GLIPR1L2: variants seen among roughly 807,000 people sequenced by gnomAD.
GLIPR1L2 encodes GLIPR1-like protein 2.
A neutral mutation model predicts 28.4 loss-of-function variants in GLIPR1L2; 21 were observed. That is an observed-to-expected ratio of 0.74 (90% confidence interval 0.52 to 1.06). GLIPR1L2 has a LOEUF of 1.06. Among genes scored for constraint, GLIPR1L2 ranks in the 50% least tolerant of loss-of-function variants. The pLI, the probability that GLIPR1L2 is intolerant of heterozygous loss-of-function variation, is 0.00. For synonymous variants in GLIPR1L2, 145 were observed against 139.3 expected (o/e 1.04, Z -0.29); for missense variants, 476 against 416.9 (o/e 1.14, Z -1.23).
chr12:75,413,611 A>G lies in GLIPR1L2; in HGVS notation c.494A>G (p.His165Arg). ...CSNYIQLVWD[H>R]SYKVGCAVTP... ...ATTTTATTTTAGCTTGTTTGGGACC[A>G]CTCTTACAAAGTTGGTTGTGCTGTT... The change falls in exon 3 of 6, where the codon CAC (histidine) becomes CGC (arginine). Residue 165 changes from histidine to arginine, a missense_variant. Physicochemically the swap from His to Arg is conservative, Grantham distance 29. Transcript: ENST00000550916. The G allele has an allele frequency of 6.5e-7, 1 of 1,547,402 alleles. No homozygotes were observed. The highest frequency in any genetic ancestry group is 8.7e-7 in the Non-Finnish European group (1 of 1,152,128).
Position 75,391,141 on chromosome 12 carries a change from C to A in GLIPR1L2, c.25C>A (p.Arg9=), listed in dbSNP as rs762277575. ...CATGGAGGCCGCAAGGCCCTTCGCC[C>A]GGGAGTGGAGGGCCCAGTCCCTACC... MEAARPFA[R]EWRAQSLPLA... The change falls in exon 1 of 6, where the codon CGG becomes AGG. Residue 9 remains arginine, a synonymous_variant. Transcript: ENST00000550916. 3 of 1,613,868 alleles carry A rather than the reference C, an allele frequency of 1.9e-6. No individual in the cohort carries two copies. Among genetic ancestry groups the A allele is most frequent in the Non-Finnish European group, 1.7e-6 (2 of 1,179,916 alleles).
intron 1 of GLIPR1L2, chr12:75,391,630 T>A: frequency 5.7e-6 from 5 of 879,124 alleles, no homozygotes; most frequent in Non-Finnish European, 8.4e-6. Context: ...GAAAATGATA[T>A]TTTAATGCAA....
chr12:75,418,177 C>T (rs2045942187), intron 3 of GLIPR1L2, among the ~76,000 whole-genome samples: 1 of 151,964 alleles, frequency 6.6e-6, no homozygotes, highest in Non-Finnish European at 1.5e-5. Context: ...ATAAGTAGAT[C>T]CAAATCCATA....
chr12:75,429,183 A>G (rs1337760533), intron 4 of GLIPR1L2, among the ~76,000 whole-genome samples: 2 of 152,222 alleles, frequency 1.3e-5, no homozygotes, highest in South Asian at 2.1e-4. Context: ...GAAAGCAGCC[A>G]CAGGGCCTGA....
At position 75,410,480 on chromosome 12, in the gene GLIPR1L2, A is replaced by C; in HGVS notation, c.281A>C (p.Lys94Thr). 1 of 1,609,844 alleles carries C rather than the reference A, an allele frequency of 6.2e-7. No individual in the cohort carries two copies. ...CGGACTGCTAGAGCATGGGGAAAAA[A>C]ATGTTTGTTTACGCATAATATTTAT... is the stretch of plus-strand genomic sequence containing the variant. ...LSRTARAWGK[K>T]CLFTHNIYLQ... The change falls in exon 2 of 6, where the codon AAA (lysine) becomes ACA (threonine). Residue 94 changes from lysine (K) to threonine (T), a missense_variant. By Grantham distance (78) the Lys-to-Thr change is moderately conservative. Transcript: ENST00000550916.
intron 1 of GLIPR1L2, among the ~76,000 whole-genome samples, chr12:75,402,409 A>G (rs1460799739): frequency 2.0e-5 from 3 of 152,224 alleles, no homozygotes; most frequent in African/African-American, 7.2e-5. Flanking sequence ...TTAGAAATCT[A>G]GAATAACAAA....
At chr12:75,430,584 G>T in intron 4 of GLIPR1L2, 131 bp from the exon 5 acceptor site, 1 of 786,704 alleles carries the variant, frequency 1.3e-6, no homozygotes, top group Middle Eastern at 3.6e-4. Context: ...TTGGCCACTG[G>T]TTGGAGGGAG....
chr12:75,419,943 C>G (rs2045960288), intron 3 of GLIPR1L2, among the ~76,000 whole-genome samples: 1 of 152,308 alleles, frequency 6.6e-6, no homozygotes, highest in South Asian at 2.1e-4. Flanking sequence ...GTTTATCTTC[C>G]TTGCTGCTGC....
chr12:75,407,319 A>G (rs2045814235), intron 1 of GLIPR1L2, among the ~76,000 whole-genome samples: 2 of 152,100 alleles, frequency 1.3e-5, no homozygotes, highest in African/African-American at 4.8e-5. Flanking sequence ...CTGCAACTTT[A>G]TATCCTTCAG....
chr12:75,422,333 T>C (rs2045985363), intron 3 of GLIPR1L2, among the ~76,000 whole-genome samples: 1 of 148,390 alleles, frequency 6.7e-6, no homozygotes, highest in African/African-American at 2.5e-5. Context: ...AGACAGAGTC[T>C]CACTCTGTTG....
intron 4 of GLIPR1L2, among the ~76,000 whole-genome samples, chr12:75,426,855 T>A (rs549897066): frequency 6.6e-6 from 1 of 152,282 alleles, no homozygotes; most frequent in African/African-American, 2.4e-5. Context: ...TAGACAGATG[T>A]TTTGGGAGCA....
chr12:75,424,277 G>GT (rs1210222550), intron 4 of GLIPR1L2, among the ~76,000 whole-genome samples: 1 of 152,154 alleles, frequency 6.6e-6, no homozygotes, highest in Non-Finnish European at 1.5e-5. Flanking sequence ...GCATGAGATG[G>GT]TATCTCATTG....
At chr12:75,415,832 T>C (rs2045918229) in intron 3 of GLIPR1L2, among the ~76,000 whole-genome samples, 1 of 152,138 alleles carries the variant, frequency 6.6e-6, no homozygotes, top group Admixed American at 6.6e-5. Context: ...CTGTCTCCTC[T>C]TCTGTGACCA....
intron 3 of GLIPR1L2, among the ~76,000 whole-genome samples, chr12:75,418,631 C>T (rs1270576661): frequency 6.6e-6 from 1 of 152,036 alleles, no homozygotes; most frequent in East Asian, 1.9e-4. Flanking sequence ...CAGCTTTGTT[C>T]TTTTTGCTTA....
At chr12:75,429,456 G>T (rs995810440) in intron 4 of GLIPR1L2, among the ~76,000 whole-genome samples, 2 of 152,148 alleles carry the variant, frequency 1.3e-5, no homozygotes, top group Non-Finnish European at 2.9e-5. Context: ...GATTTTACAA[G>T]CTTATAGATG....
chr12:75,400,829 A>G (rs1313859816), intron 1 of GLIPR1L2, among the ~76,000 whole-genome samples: 1 of 152,198 alleles, frequency 6.6e-6, no homozygotes, highest in Non-Finnish European at 1.5e-5. Context: ...TATTTAGTGT[A>G]TTAGGGCTAG....
Position 75,410,565 on chromosome 12 carries a change from C to T in GLIPR1L2, c.366C>T (p.Val122=), listed in dbSNP as rs139261658. Residue 122 remains valine (V), a synonymous_variant, in exon 2 of 6, where the codon GTC becomes GTT. Coordinates refer to ENST00000550916, the MANE Select transcript of GLIPR1L2 (RefSeq NM_001270396.2). ...KFYGIGENMW[V]GPENEFTASI... ...ATGGTATTGGTGAAAATATGTGGGT[C>T]GGCCCTGAAAATGAATTTACTGCAA... 44 of 1,612,008 alleles carry T rather than the reference C, an allele frequency of 2.7e-5. 1 individual carries two copies. Among genetic ancestry groups the T allele is most frequent in the African/African-American group, 2.4e-4 (18 of 74,782 alleles).
chr12:75,413,615 T>G lies in GLIPR1L2; in HGVS notation c.498T>G (p.Ser166=). 6.4e-7 allele frequency: 1 copy of G among 1,556,232 alleles called. No individual in the cohort carries two copies. Among genetic ancestry groups the G allele is most frequent in the Non-Finnish European group, 8.6e-7 (1 of 1,157,104 alleles). Residue 166 remains serine (S), a synonymous_variant, in exon 3 of 6, where the codon TCT becomes TCG. Coordinates refer to ENST00000550916, the MANE Select transcript of GLIPR1L2 (RefSeq NM_001270396.2). The part of the protein sequence containing the change: ...SNYIQLVWDH[S]YKVGCAVTPC... ...TATTTTAGCTTGTTTGGGACCACTC[T>G]TACAAAGTTGGTTGTGCTGTTACTC...
At chr12:75,401,915 CAA>C (rs1254816379) in intron 1 of GLIPR1L2, among the ~76,000 whole-genome samples, 3 of 151,670 alleles carry the variant, frequency 2.0e-5, no homozygotes, top group Admixed American at 6.6e-5. Context: ...AGAAAAGAAA[CAA>C]AGAATGAGAG....
Sources: gnomAD v4.1 joint callset for allele counts (sites outside exome capture counted in the v4.1 genomes callset) on GRCh38, gnomAD v4.1.1 for gene constraint, MANE v1.5 for transcripts, NCBI Gene and HGNC (gene_info 2026-07-23, HGNC 2026-07-21) for gene names.